Variants in ARID4A observed in about 807,000 individuals in gnomAD.
ARID4A encodes AT-rich interaction domain 4A.
In ARID4A, 39 loss-of-function variants were observed where a neutral mutation model predicts 148.6. The ratio of observed to expected loss-of-function variants is 0.26; its 90% CI spans 0.20 to 0.34. The LOEUF is 0.34. Ranked by LOEUF, ARID4A falls within the 10% of genes least tolerant of loss-of-function variation. The probability of loss-of-function intolerance (pLI) is 1.00; values close to 1 mark genes in which losing one functional copy is unlikely to be tolerated. For missense variants in ARID4A, 1,265 were observed against 1,449.1 expected (o/e 0.87, Z 2.06); for synonymous variants, 475 against 481.2 (o/e 0.99, Z 0.17).
At chr14:58,303,113 A>T (rs917617862) in intron 3 of ARID4A, among the ~76,000 whole-genome samples, 13 of 152,118 alleles carry the variant, frequency 8.5e-5, no homozygotes, top group South Asian at 2.1e-4. Context: ...CATTTTTAAC[A>T]TTATAGAGGT....
At chr14:58,339,749 A>T (rs749209877) in intron 11 of ARID4A, among the ~76,000 whole-genome samples, 3 of 152,232 alleles carry the variant, frequency 2.0e-5, no homozygotes, top group Non-Finnish European at 4.4e-5. Flanking sequence ...ACAGTTCCAC[A>T]GGCTGTACAG....
intron 11 of ARID4A, among the ~76,000 whole-genome samples, chr14:58,340,196 C>CATA: frequency 6.6e-6 from 1 of 152,234 alleles, no homozygotes; most frequent in East Asian, 1.9e-4. Context: ...AGTCATGGGC[C>CATA]ATAACCACCT....
chr14:58,351,246 G>C lies in ARID4A; in HGVS notation c.1578G>C (p.Lys526Asn). The change falls in exon 16 of 24, where the codon AAG becomes AAC. Residue 526 changes from lysine (K) to asparagine (N), a missense_variant. By Grantham distance (94) the Lys-to-Asn change is moderately conservative. Coordinates refer to ENST00000355431, the MANE Select transcript of ARID4A (RefSeq NM_002892.4). ...TACTGGGGAGAAAAAATACACCAAA[G>C]CAAAAAGAGAAGAAAATTAAAAAAC... ...ELLLGRKNTP[K>N]QKEKKIKKQE... 6.2e-7 allele frequency: 1 copy of C among 1,611,846 alleles called. No individual in the cohort carries two copies. The highest frequency in any genetic ancestry group is 8.5e-7 in the Non-Finnish European group (1 of 1,179,552).
intron 7 of ARID4A, among the ~76,000 whole-genome samples, chr14:58,319,521 CTTTT>C: frequency 1.6e-5 from 1 of 62,096 alleles, no homozygotes; most frequent in Non-Finnish European, 2.9e-5. Context: ...TCTATATACT[CTTTT>C]TTTTTTTTTT....
At chr14:58,337,368 C>T (rs1227345465) in intron 11 of ARID4A, among the ~76,000 whole-genome samples, 3 of 150,624 alleles carry the variant, frequency 2.0e-5, no homozygotes, top group Non-Finnish European at 4.4e-5. Context: ...AGCAGGGGAT[C>T]TCAGGATTTT....
intron 5 of ARID4A, among the ~76,000 whole-genome samples, chr14:58,310,608 C>T (rs2031952224): frequency 6.6e-6 from 1 of 151,726 alleles, no homozygotes; most frequent in African/African-American, 2.4e-5. Context: ...ACTCGATATA[C>T]AAAAACTAAC....
At chr14:58,301,029 A>G (rs2031119681) in intron 2 of ARID4A, among the ~76,000 whole-genome samples, 1 of 152,240 alleles carries the variant, frequency 6.6e-6, no homozygotes, top group South Asian at 2.1e-4. Flanking sequence ...CCATCAGTTC[A>G]TATCTGCATT....
intron 3 of ARID4A, 72 bp downstream of exon 3, chr14:58,301,762 A>G: frequency 9.0e-7 from 1 of 1,108,732 alleles, no homozygotes; most frequent in East Asian, 2.5e-5. Flanking sequence ...GAGACTGCAA[A>G]TCAGCATTTT....
At chr14:58,320,597 GA>G (rs1456852054) in intron 7 of ARID4A, among the ~76,000 whole-genome samples, 9 of 143,714 alleles carry the variant, frequency 6.3e-5, no homozygotes, top group African/African-American at 2.3e-4. Context: ...CCATGACATT[GA>G]CTTTTTTTTT....
intron 21 of ARID4A, among the ~76,000 whole-genome samples, 165 bp from the exon 22 acceptor site, chr14:58,365,858 CA>C (rs1271182031): frequency 6.6e-6 from 1 of 151,966 alleles, no homozygotes; most frequent in Non-Finnish European, 1.5e-5. Flanking sequence ...CGTTGGTGAG[CA>C]TTTAGGTTTT....
intron 12 of ARID4A, among the ~76,000 whole-genome samples, chr14:58,346,205 A>G (rs1448563881): frequency 6.7e-6 from 1 of 149,044 alleles, no homozygotes; most frequent in Non-Finnish European, 1.5e-5. Context: ...TATATATATT[A>G]TTATATATAA....
chr14:58,318,260 A>G (rs914173162), intron 5 of ARID4A, among the ~76,000 whole-genome samples: 1 of 152,168 alleles, frequency 6.6e-6, no homozygotes, highest in Non-Finnish European at 1.5e-5. Flanking sequence ...TGCTTTGACT[A>G]GGTTGCTAAT....
chr14:58,310,935 AAAC>A (rs1275619244), intron 5 of ARID4A, among the ~76,000 whole-genome samples: 105 of 151,886 alleles, frequency 6.9e-4, no homozygotes, highest in African/African-American at 2.5e-3. Context: ...GATAGCAAGA[AAAC>A]AACCCAATTT....
At chr14:58,317,414 A>G (rs2032515211) in intron 5 of ARID4A, among the ~76,000 whole-genome samples, 1 of 147,766 alleles carries the variant, frequency 6.8e-6, no homozygotes, top group Non-Finnish European at 1.5e-5. Flanking sequence ...CCTCCCGAGT[A>G]GCTGGGACTA....
intron 19 of ARID4A, among the ~76,000 whole-genome samples, chr14:58,363,558 G>A (rs956024150): frequency 1.3e-5 from 2 of 152,172 alleles, no homozygotes; most frequent in African/African-American, 4.8e-5. Flanking sequence ...AATTAGCCGG[G>A]CGTGGTGGCC....
chr14:58,353,205 A>G (rs565908977), intron 16 of ARID4A, among the ~76,000 whole-genome samples: 1 of 152,302 alleles, frequency 6.6e-6, no homozygotes, highest in African/African-American at 2.4e-5. Flanking sequence ...ATATCCTTAA[A>G]TCTTTTTTTA....
At position 58,365,273 on chromosome 14, in the gene ARID4A, G is replaced by A; in HGVS notation, c.3184G>A (p.Val1062Ile). 1 of 1,613,540 alleles carries A rather than the reference G, an allele frequency of 6.2e-7. No individual in the cohort carries two copies. Among genetic ancestry groups the A allele is most frequent in the Non-Finnish European group, 8.5e-7 (1 of 1,179,706 alleles). ...TGCCTCTGGTACCTGTAGTATAATT[G>A]TACAAGAGAGAGAGAGCAGAGAGAA... ...NVASGTCSIIVQERESREKGQ... is the reference protein window; with the variant it reads ...NVASGTCSIIIQERESREKGQ... Residue 1062 changes from valine to isoleucine, a missense_variant, in exon 20 of 24, where the codon GTA becomes ATA. Coordinates refer to ENST00000355431, the MANE Select transcript of ARID4A (RefSeq NM_002892.4).
intron 11 of ARID4A, among the ~76,000 whole-genome samples, chr14:58,341,918 C>T (rs1440284950): frequency 6.6e-6 from 1 of 152,166 alleles, no homozygotes; most frequent in East Asian, 1.9e-4. Context: ...TAGTGGACCT[C>T]TACCTCCCAT....
At chr14:58,325,764 T>C (rs1196993808) in intron 8 of ARID4A, among the ~76,000 whole-genome samples, 1 of 152,162 alleles carries the variant, frequency 6.6e-6, no homozygotes, top group Non-Finnish European at 1.5e-5. Context: ...TTAATTTGTA[T>C]GGGGAAATTC....
Sources: gnomAD v4.1 joint callset for allele counts (sites outside exome capture counted in the v4.1 genomes callset) on GRCh38, gnomAD v4.1.1 for gene constraint, MANE v1.5 for transcripts, NCBI Gene and HGNC (gene_info 2026-07-23, HGNC 2026-07-21) for gene names.